Variants in SGCZ observed in about 807,000 individuals in gnomAD.
SGCZ encodes sarcoglycan zeta.
SGCZ carries 40 observed loss-of-function variants against 41.3 expected under a neutral mutation model. The observed-to-expected ratio is 0.97, with a 90% CI of 0.75 to 1.26. The LOEUF is 1.26. SGCZ is among the 50% of genes most tolerant of loss of function. SGCZ has a pLI of 0.00. For missense variants in SGCZ, 552 were observed against 369.8 expected (o/e 1.49, Z -4.04); for synonymous variants, 206 against 137.5 (o/e 1.50, Z -3.49).
chr8:14,528,171 T>C (rs939946168), intron 2 of SGCZ, among the ~76,000 whole-genome samples: 3 of 152,012 alleles, frequency 2.0e-5, no homozygotes, highest in East Asian at 3.9e-4. Context: ...CATAAAAAAA[T>C]AGATTGATAC....
At chr8:15,010,622 G>A (rs774748527) in intron 1 of SGCZ, among the ~76,000 whole-genome samples, 1 of 152,188 alleles carries the variant, frequency 6.6e-6, no homozygotes, top group Admixed American at 6.5e-5. Context: ...TGACTGGAAT[G>A]AAAGTTCTTT....
At chr8:14,900,559 CCT>C (rs1359504857) in intron 1 of SGCZ, among the ~76,000 whole-genome samples, 9 of 152,212 alleles carry the variant, frequency 5.9e-5, no homozygotes, top group African/African-American at 2.2e-4. Flanking sequence ...GAATGACAGC[CCT>C]GATTCTACTT....
chr8:14,475,047 G>C (rs1259464478), intron 2 of SGCZ, among the ~76,000 whole-genome samples: 1 of 152,088 alleles, frequency 6.6e-6, no homozygotes, highest in Non-Finnish European at 1.5e-5. Context: ...TATCCAATGA[G>C]TTATTTTGTT....
At chr8:14,716,221 A>AG (rs1479710521) in intron 1 of SGCZ, among the ~76,000 whole-genome samples, 1 of 73,952 alleles carries the variant, frequency 1.4e-5, no homozygotes, top group East Asian at 5.7e-4. Context: ...TAGTGAAAAC[A>AG]AAAAAAAGAT....
chr8:14,949,835 T>C lies in SGCZ; in HGVS notation c.39+287750A>G, dbSNP rs149050905. On this transcript the variant is annotated intron_variant, in intron 1 of 7. Coordinates refer to ENST00000382080, the MANE Select transcript of SGCZ (RefSeq NM_139167.4). Reference sequence around the variant, plus strand: ...TGAAGTAATAAAGGTTTATAGTCAATATAATAATTCTGGAACAAAAATCGT... The same window carrying C: ...TGAAGTAATAAAGGTTTATAGTCAACATAATAATTCTGGAACAAAAATCGT... Among the ~76,000 whole-genome samples the C allele has an allele frequency of 1.3e-3, 192 of 152,212 alleles. 2 individuals are homozygous for C. Among genetic ancestry groups the C allele is most frequent in the African/African-American group, 4.5e-3 (187 of 41,558 alleles).
intron 2 of SGCZ, among the ~76,000 whole-genome samples, chr8:14,548,737 G>C (rs1205773612): frequency 6.6e-6 from 1 of 152,098 alleles, no homozygotes; most frequent in African/African-American, 2.4e-5. Flanking sequence ...GTATGTGCCT[G>C]TGCATGTGTA....
chr8:14,192,870 T>C (rs946011190), intron 4 of SGCZ, among the ~76,000 whole-genome samples: 2 of 152,216 alleles, frequency 1.3e-5, no homozygotes, highest in Admixed American at 1.3e-4. Flanking sequence ...AAATAATCAG[T>C]GCAGTATTTC....
chr8:14,221,157 A>C (rs1486766133), intron 4 of SGCZ, among the ~76,000 whole-genome samples: 1 of 152,202 alleles, frequency 6.6e-6, no homozygotes, highest in Non-Finnish European at 1.5e-5. Context: ...ATCTATAAGC[A>C]ATGTCTTATG....
rs1238489946 is a variant in SGCZ at position 15,221,932 on chromosome 8, C to G, written c.39+15653G>C. On this transcript the variant is annotated intron_variant, in intron 1 of 7. Coordinates refer to ENST00000382080, the MANE Select transcript of SGCZ (RefSeq NM_139167.4). Reference sequence around the variant, plus strand: ...ATCTGAATGGCCCACACAACGTTATCTCTGTCTGAGTCTTCAATTGTAGCT... The same window carrying G: ...ATCTGAATGGCCCACACAACGTTATGTCTGTCTGAGTCTTCAATTGTAGCT... Among the ~76,000 whole-genome samples the G allele has an allele frequency of 3.3e-5, 5 of 152,208 alleles. No individual in the cohort carries two copies. The East Asian group carries it at 9.6e-4, about 29-fold the overall frequency.
intron 1 of SGCZ, among the ~76,000 whole-genome samples, chr8:14,629,440 A>G (rs1191020104): frequency 6.6e-6 from 1 of 152,192 alleles, no homozygotes; most frequent in East Asian, 1.9e-4. Flanking sequence ...ATGTACAAAC[A>G]GATCCATCAA....
rs554007910 is a variant in SGCZ, at chr8:14,439,414, G to C, written c.235-115210C>G. Among the ~76,000 whole-genome samples, 20 of 150,834 alleles carry C rather than the reference G, an allele frequency of 1.3e-4. 3 individuals are homozygous for C. The South Asian group carries it at 4.2e-3, about 32-fold the overall frequency. ...ACAATTTCTACTAGAAAATACAAGA[G>C]TAAACATTCCCCAATTTTATAAATT... On this transcript the variant is annotated intron_variant, in intron 2 of 7. Transcript: ENST00000382080.
At chr8:14,652,740 A>G (rs1452793368) in intron 1 of SGCZ, among the ~76,000 whole-genome samples, 1 of 152,126 alleles carries the variant, frequency 6.6e-6, no homozygotes, top group Non-Finnish European at 1.5e-5. Flanking sequence ...TATATTTATT[A>G]TCTTCAAAAT....
At chr8:14,523,078 C>G (rs1415595268) in intron 2 of SGCZ, among the ~76,000 whole-genome samples, 1 of 151,904 alleles carries the variant, frequency 6.6e-6, no homozygotes, top group East Asian at 1.9e-4. Context: ...AACTTACCTC[C>G]CTGTATATCC....
At chr8:14,846,409 G>C (rs1195567245) in intron 1 of SGCZ, among the ~76,000 whole-genome samples, 1 of 151,888 alleles carries the variant, frequency 6.6e-6, no homozygotes, top group Non-Finnish European at 1.5e-5. Context: ...TCTCTGAATA[G>C]ATAAGTTAAC....
intron 1 of SGCZ, among the ~76,000 whole-genome samples, chr8:14,736,233 C>CA (rs1736210976): frequency 6.6e-6 from 1 of 152,040 alleles, no homozygotes; most frequent in African/African-American, 2.4e-5. Flanking sequence ...CTTCTGATTT[C>CA]AAAATCTCAT....
chr8:14,648,398 T>C (rs1218441162), intron 1 of SGCZ, among the ~76,000 whole-genome samples: 2 of 152,090 alleles, frequency 1.3e-5, no homozygotes, highest in Non-Finnish European at 2.9e-5. Flanking sequence ...TTTGATGTGT[T>C]TGAGTCATTT....
intron 1 of SGCZ, among the ~76,000 whole-genome samples, chr8:15,125,948 C>A (rs1585589716): frequency 6.6e-6 from 1 of 152,130 alleles, no homozygotes; most frequent in Non-Finnish European, 1.5e-5. Flanking sequence ...GAGTTTGAGA[C>A]CAGCCTGACC....
intron 4 of SGCZ, among the ~76,000 whole-genome samples, chr8:14,224,924 G>C (rs1020875408): frequency 6.6e-6 from 1 of 152,050 alleles, no homozygotes; most frequent in African/African-American, 2.4e-5. Context: ...AAATTACTTT[G>C]GTTTATTTTG....
At chr8:15,152,637 T>C (rs1437751126) in intron 1 of SGCZ, among the ~76,000 whole-genome samples, 1 of 152,142 alleles carries the variant, frequency 6.6e-6, no homozygotes, top group African/African-American at 2.4e-5. Flanking sequence ...AGAGAGAATA[T>C]AAATCACACT....
Sources: allele counts gnomAD v4.1 joint callset (sites outside exome capture counted in the v4.1 genomes callset), GRCh38; gene constraint gnomAD v4.1.1; transcripts MANE v1.5; gene names NCBI Gene and HGNC (gene_info 2026-07-23, HGNC 2026-07-21).